The following OTOGL variants were observed in gnomAD, a reference collection of about 807,000 sequenced individuals.
The protein encoded by OTOGL is otogelin like.
OTOGL carries 285 observed loss-of-function variants against 318.5 expected under a neutral mutation model. That is an observed-to-expected ratio of 0.89 (90% CI 0.81 to 0.99). The LOEUF (loss-of-function observed/expected upper bound fraction) is 0.99. Ranked by LOEUF, OTOGL falls within the 50% of genes least tolerant of loss-of-function variation. OTOGL has a pLI of 0.00. For synonymous variants in OTOGL, 987 were observed against 936.5 expected (o/e 1.05, Z -0.99); for missense variants, 2,899 against 2,845.6 (o/e 1.02, Z -0.43).
intron 1 of OTOGL, among the ~76,000 whole-genome samples, chr12:80,178,885 TA>T (rs1874722239): frequency 6.6e-6 from 1 of 152,208 alleles, no homozygotes; most frequent in African/African-American, 2.4e-5. Context: ...GTGTGGAAAT[TA>T]AGGACTCTTT....
At chr12:80,152,469 A>G (rs1384556179) in intron 1 of OTOGL, among the ~76,000 whole-genome samples, 1 of 152,180 alleles carries the variant, frequency 6.6e-6, no homozygotes, top group Admixed American at 6.5e-5. Context: ...TGACAGAAGC[A>G]TGGTATGTTA....
At chr12:80,264,174 C>CGA (rs1882769094) in intron 19 of OTOGL, among the ~76,000 whole-genome samples, 1 of 152,078 alleles carries the variant, frequency 6.6e-6, no homozygotes, top group Non-Finnish European at 1.5e-5. Context: ...CCAAGGAAAA[C>CGA]TAGGTCCACG....
chr12:80,218,089 T>G (rs190355529), intron 5 of OTOGL, among the ~76,000 whole-genome samples: 1 of 152,202 alleles, frequency 6.6e-6, no homozygotes, highest in Non-Finnish European at 1.5e-5. Flanking sequence ...TAGTTTTCAT[T>G]TGATATTTGT....
chr12:80,372,401 T>C (rs1212889739), intron 57 of OTOGL, among the ~76,000 whole-genome samples: 3 of 152,068 alleles, frequency 2.0e-5, no homozygotes, highest in Admixed American at 1.3e-4. Context: ...TTTCAGTATA[T>C]TTAAAATTTA....
chr12:80,115,267 G>A (rs1430915913), intron 1 of OTOGL, among the ~76,000 whole-genome samples: 1 of 152,040 alleles, frequency 6.6e-6, no homozygotes, highest in African/African-American at 2.4e-5. Flanking sequence ...GTGAACTTTG[G>A]ATGGAGTTTT....
At chr12:80,322,507 A>C (rs545049909) in intron 34 of OTOGL, among the ~76,000 whole-genome samples, 1 of 152,328 alleles carries the variant, frequency 6.6e-6, no homozygotes, top group South Asian at 2.1e-4. Flanking sequence ...TTCAGCAATT[A>C]CTTAAGTCTT....
At chr12:80,242,964 C>A (rs973498526) in intron 11 of OTOGL, among the ~76,000 whole-genome samples, 1 of 152,062 alleles carries the variant, frequency 6.6e-6, no homozygotes, top group African/African-American at 2.4e-5. Context: ...AATGCCAAAC[C>A]CAGCAGCAAG....
chr12:80,343,498 T>C (rs1888922671), intron 44 of OTOGL: 2 of 142,194 alleles, frequency 1.4e-5, no homozygotes, highest in African/African-American at 5.2e-5. Flanking sequence ...TTTTTATTAT[T>C]TTTTATTCTT....
At chr12:80,247,265 A>G (rs1397425109) in intron 11 of OTOGL, among the ~76,000 whole-genome samples, 1 of 148,846 alleles carries the variant, frequency 6.7e-6, no homozygotes, top group Admixed American at 6.6e-5. Flanking sequence ...TAGGCTGTCA[A>G]TTTTGGATCT....
intron 21 of OTOGL, 109 bp downstream of exon 21, chr12:80,266,725 T>A: frequency 8.9e-7 from 1 of 1,127,734 alleles, no homozygotes; most frequent in Non-Finnish European, 1.2e-6. Context: ...TTATTGTCTT[T>A]ACTTTTTTTT....
At chr12:80,156,728 A>G (rs1592503477) in intron 1 of OTOGL, among the ~76,000 whole-genome samples, 2 of 152,048 alleles carry the variant, frequency 1.3e-5, no homozygotes, top group Non-Finnish European at 2.9e-5. Flanking sequence ...GCCTTCCTCC[A>G]TGATTGTAAG....
intron 1 of OTOGL, among the ~76,000 whole-genome samples, chr12:80,200,003 C>G (rs1267667728): frequency 6.6e-6 from 1 of 152,186 alleles, no homozygotes; most frequent in East Asian, 1.9e-4. Context: ...ATCCTTCCCA[C>G]TGAGCTCTAT....
intron 1 of OTOGL, among the ~76,000 whole-genome samples, chr12:80,104,862 A>G (rs891728570): frequency 2.0e-5 from 3 of 152,168 alleles, no homozygotes; most frequent in African/African-American, 7.2e-5. Context: ...TGGAAGGCTG[A>G]GCCGGGCAGA....
At chr12:80,231,713 C>A (rs142762788) in intron 8 of OTOGL, among the ~76,000 whole-genome samples, 1,801 of 152,222 alleles carry the variant, frequency 0.012, 17 homozygotes, top group Non-Finnish European at 0.02. Context: ...CAGCTCACCA[C>A]AACCTCTGCC....
At position 80,238,931 on chromosome 12, in the gene OTOGL, C is replaced by G. The variant is rs765437712; in HGVS notation, c.898C>G (p.Pro300Ala). The G allele has an allele frequency of 6.3e-7, 1 of 1,596,476 alleles. No individual in the cohort carries two copies. Among genetic ancestry groups the G allele is most frequent in the Non-Finnish European group, 8.5e-7 (1 of 1,178,460 alleles). Residue 300 changes from proline (P) to alanine (A), a missense_variant, in exon 10 of 59, where the codon CCC (proline) becomes GCC (alanine). Transcript: ENST00000547103. ...TPDDTKCVLT[P>A]SDFPNPCSSG... ...AGATGACACCAAATGTGTACTCACA[C>G]CCTCAGATTTTCCAAATCCGTGCTC...
rs1451174883 is a variant in OTOGL, at chr12:80,354,728, A to G, written c.5594-1008A>G. On this transcript the variant is annotated intron_variant, in intron 46 of 58. Transcript: ENST00000547103. ...ACTTTGAGAATATACACATGTGCTT[A>G]TATTTGTTCTTTAGAGATCTATGAG... Among the ~76,000 whole-genome samples the G allele has an allele frequency of 4.6e-5, 7 of 152,200 alleles. No homozygotes were observed. In the East Asian group the frequency reaches 9.6e-4, roughly 21 times the overall value.
chr12:80,110,496 T>A (rs1869771474), intron 1 of OTOGL, among the ~76,000 whole-genome samples: 1 of 151,918 alleles, frequency 6.6e-6, no homozygotes, highest in African/African-American at 2.4e-5. Context: ...AGTGAGAACA[T>A]GCGGTTTTTG....
intron 1 of OTOGL, chr12:80,131,089 ACTTAAG>A (rs1217638369): frequency 6.6e-6 from 1 of 152,226 alleles, no homozygotes; most frequent in Non-Finnish European, 1.5e-5. Context: ...AGCTCTGGAA[ACTTAAG>A]AAGTAGGAGG....
intron 1 of OTOGL, among the ~76,000 whole-genome samples, chr12:80,130,063 A>T (rs979347700): frequency 6.6e-6 from 1 of 151,884 alleles, no homozygotes; most frequent in African/African-American, 2.4e-5. Flanking sequence ...ATATCCTATT[A>T]CCACCCTTGT....
Sources: gnomAD v4.1 joint callset for allele counts (sites outside exome capture counted in the v4.1 genomes callset) on GRCh38, gnomAD v4.1.1 for gene constraint, MANE v1.5 for transcripts, NCBI Gene and HGNC (gene_info 2026-07-23, HGNC 2026-07-21) for gene names.